The following UEVLD variants were observed in gnomAD, a reference collection of about 807,000 sequenced individuals.
The protein encoded by UEVLD is UEV and lactate/malate dehyrogenase domains, also known as ubiquitin-conjugating enzyme E2 variant 3.
In UEVLD, 47 loss-of-function variants were observed where a neutral mutation model predicts 58.6. The ratio of observed to expected loss-of-function variants is 0.80; its 90% CI spans 0.63 to 1.02. The LOEUF (loss-of-function observed/expected upper bound fraction) is 1.02, where lower values mean the gene tolerates loss of function less well. UEVLD is among the 50% of genes least tolerant of loss of function. The probability of loss-of-function intolerance (pLI) is 0.00; values close to 1 mark genes in which losing one functional copy is unlikely to be tolerated. For synonymous variants in UEVLD, 197 were observed against 195.3 expected, an observed-to-expected ratio of 1.01 and a Z score of -0.07; for missense variants, 510 against 550.6, an observed-to-expected ratio of 0.93 and a Z score of 0.74.
intron 3 of UEVLD, among the ~76,000 whole-genome samples, chr11:18,571,213 G>T (rs1346188778): frequency 6.6e-6 from 1 of 152,118 alleles, no homozygotes; most frequent in Non-Finnish European, 1.5e-5. Flanking sequence ...CGGGCATGGT[G>T]GCAAGCACCT....
At chr11:18,583,312 C>T (rs1025247449) in intron 1 of UEVLD, among the ~76,000 whole-genome samples, 2 of 151,756 alleles carry the variant, frequency 1.3e-5, no homozygotes, top group Non-Finnish European at 2.9e-5. Context: ...CCTCCGCCTC[C>T]CGGGTTCAAG....
intron 7 of UEVLD, among the ~76,000 whole-genome samples, chr11:18,549,226 G>A (rs1157743452): frequency 6.6e-6 from 1 of 152,180 alleles, no homozygotes; most frequent in East Asian, 1.9e-4. Flanking sequence ...ACCCTCATAA[G>A]GATGAGGAAA....
intron 6 of UEVLD, chr11:18,563,839 TGC>T (rs1852156757): frequency 3.9e-6 from 1 of 257,132 alleles, no homozygotes; most frequent in Non-Finnish European, 6.6e-6. Context: ...ACCCTGTCTC[TGC>T]TAAAAATACA....
At chr11:18,577,436 C>T (rs1325165819) in intron 2 of UEVLD, among the ~76,000 whole-genome samples, 3 of 152,208 alleles carry the variant, frequency 2.0e-5, no homozygotes, top group Non-Finnish European at 4.4e-5. Context: ...ACTTTCCCAT[C>T]AGTAACTGGG....
At chr11:18,557,528 T>C (rs1851804780) in intron 7 of UEVLD, among the ~76,000 whole-genome samples, 1 of 151,778 alleles carries the variant, frequency 6.6e-6, no homozygotes, top group Non-Finnish European at 1.5e-5. Flanking sequence ...GTGCAATGAA[T>C]GTAAACTGAA....
chr11:18,585,120 G>A (rs918176965), intron 1 of UEVLD, among the ~76,000 whole-genome samples: 2 of 151,626 alleles, frequency 1.3e-5, no homozygotes, highest in African/African-American at 4.8e-5. Flanking sequence ...CAAACTCCTG[G>A]ACTCAACAGA....
At chr11:18,579,260 C>G (rs1853107561) in intron 1 of UEVLD, among the ~76,000 whole-genome samples, 1 of 152,118 alleles carries the variant, frequency 6.6e-6, no homozygotes, top group African/African-American at 2.4e-5. Flanking sequence ...AACAACAACC[C>G]TACCAGGTAG....
rs768651143 is a variant in UEVLD, at chr11:18,566,300, T to C, written c.493+47A>G. The C allele has an allele frequency of 2.5e-6, 4 of 1,606,760 alleles. 1 individual carries two copies. The South Asian group carries it at 4.5e-5, about 18-fold the overall frequency. On this transcript the variant is annotated intron_variant, in intron 5 of 11. Coordinates refer to ENST00000396197, the MANE Select transcript of UEVLD (RefSeq NM_001040697.4). The stretch of plus-strand genomic sequence containing the variant: ...AAAGTAAAGGAGTTTAGTGAGAAAC[T>C]GGTAACTCATAACTCTCAAGATAAT...
chr11:18,547,004 G>C lies in UEVLD; in HGVS notation c.762C>G (p.Asn254Lys). ...GGTACGACTGAGAACTACCCAAAGAGTTGACTGTGAAGATCACCACCTTGG... is the reference window on the plus strand; with the variant it reads ...GGTACGACTGAGAACTACCCAAAGACTTGACTGTGAAGATCACCACCTTGG... ...AHSKVVIFTVNSLGSSQSYLD... is the reference protein window; with the variant it reads ...AHSKVVIFTVKSLGSSQSYLD... Residue 254 changes from asparagine to lysine, a missense_variant, in exon 8 of 12, where the codon AAC becomes AAG. Asn to Lys is a moderately conservative substitution (Grantham distance 94, BLOSUM62 0). Transcript: ENST00000396197. 1 of 1,614,074 alleles carries C rather than the reference G, an allele frequency of 6.2e-7. No homozygotes were observed. Among genetic ancestry groups the C allele is most frequent in the Non-Finnish European group, 8.5e-7 (1 of 1,180,028 alleles).
chr11:18,560,379 T>A (rs1219648132), intron 6 of UEVLD, among the ~76,000 whole-genome samples: 1 of 152,118 alleles, frequency 6.6e-6, no homozygotes, highest in East Asian at 1.9e-4. Context: ...AATCCAAAAG[T>A]TTAGCAGTAG....
At chr11:18,573,401 C>T (rs1852730888) in intron 3 of UEVLD, among the ~76,000 whole-genome samples, 1 of 152,174 alleles carries the variant, frequency 6.6e-6, no homozygotes, top group African/African-American at 2.4e-5. Flanking sequence ...TTCCCTAATA[C>T]CCTTCCCTTC....
At position 18,570,279 on chromosome 11, in the gene UEVLD, A is replaced by T; in HGVS notation, c.292T>A (p.Leu98Ile). The T allele has an allele frequency of 6.2e-7, 1 of 1,603,514 alleles. No homozygotes were observed. Among genetic ancestry groups the T allele is most frequent in the Non-Finnish European group, 8.5e-7 (1 of 1,176,824 alleles). Residue 98 changes from leucine to isoleucine, a missense_variant, in exon 4 of 12, where the codon TTA (leucine) becomes ATA (isoleucine). Leu to Ile is a conservative substitution (Grantham distance 5). Transcript: ENST00000396197. ...FLKPTANMGI[L>I]VGKHVDAQGR... ...TGAGCATCCACATGTTTTCCGACTA[A>T]GATTCCCATATTTGCAGTTGGCTTC...
rs761363110 is a variant in UEVLD at position 18,566,525 on chromosome 11, G to T, written c.358-43C>A. ...AACAGAAAAGTTACACAAAAATTTT[G>T]CTGAAGAATACTACCTTTGTTGAGG... On this transcript the variant is annotated intron_variant, in intron 4 of 11. Transcript: ENST00000396197. 3.6e-5 allele frequency: 58 copies of T among 1,600,990 alleles called. 1 individual carries two copies. The South Asian group carries it at 3.8e-4, about 10-fold the overall frequency.
At chr11:18,565,977 C>T (rs967238592) in intron 5 of UEVLD, among the ~76,000 whole-genome samples, 2 of 148,298 alleles carry the variant, frequency 1.3e-5, no homozygotes, top group African/African-American at 4.9e-5. Context: ...CAGCTCACTG[C>T]AACCTCTGCC....
intron 1 of UEVLD, among the ~76,000 whole-genome samples, chr11:18,584,793 C>T (rs935612787): frequency 3.9e-5 from 6 of 151,928 alleles, no homozygotes; most frequent in Admixed American, 1.3e-4. Context: ...GCAGGATGCC[C>T]GGCTAATTTT....
intron 6 of UEVLD, among the ~76,000 whole-genome samples, chr11:18,563,067 TGACTTTCA>T (rs1324618027): frequency 7.5e-5 from 11 of 146,724 alleles, no homozygotes; most frequent in African/African-American, 2.8e-4. Flanking sequence ...TGAAAAACCA[TGACTTTCA>T]GACTTTCAGA....
intron 11 of UEVLD, 116 bp from the exon 12 acceptor site, chr11:18,532,603 A>G: frequency 1.1e-6 from 1 of 878,500 alleles, no homozygotes; most frequent in South Asian, 2.8e-5. Context: ...TTGGACTTAA[A>G]AAAATTTTTT....
intron 4 of UEVLD, among the ~76,000 whole-genome samples, chr11:18,569,233 TTTAA>T (rs1852466045): frequency 6.6e-6 from 1 of 152,152 alleles, no homozygotes; most frequent in African/African-American, 2.4e-5. Flanking sequence ...TATACAGATT[TTTAA>T]TTATTTACAA....
chr11:18,563,802 C>T (rs1465444193), intron 6 of UEVLD: 5 of 488,564 alleles, frequency 1.0e-5, no homozygotes, highest in South Asian at 7.4e-5. Flanking sequence ...GTCAGAAGTT[C>T]GAGACCAGCC....
Sources: allele counts gnomAD v4.1 joint callset (sites outside exome capture counted in the v4.1 genomes callset), GRCh38; gene constraint gnomAD v4.1.1; transcripts MANE v1.5; gene names NCBI Gene and HGNC (gene_info 2026-07-23, HGNC 2026-07-21).